ZNF831: variants seen among roughly 807,000 people sequenced by gnomAD.
ZNF831 encodes zinc finger protein 831.
ZNF831 carries 59 observed loss-of-function variants against 95.8 expected under a neutral mutation model. The ratio of observed to expected loss-of-function variants is 0.62; its 90% CI spans 0.50 to 0.77. The LOEUF is 0.77. Ranked by LOEUF, ZNF831 falls within the 30% of genes least tolerant of loss-of-function variation. The probability of loss-of-function intolerance (pLI) is 0.00; values close to 1 mark genes in which losing one functional copy is unlikely to be tolerated. For synonymous variants in ZNF831, 961 were observed against 925.5 expected (o/e 1.04, Z -0.70); for missense variants, 2,205 against 2,164.0 (o/e 1.02, Z -0.38).
intron 3 of ZNF831, among the ~76,000 whole-genome samples, chr20:59,199,434 ATTGT>A (rs1321552425): frequency 6.6e-6 from 1 of 152,148 alleles, no homozygotes; most frequent in Admixed American, 6.5e-5. Flanking sequence ...AATATATAAT[ATTGT>A]TTGGTGTCTT....
rs190262772 is a variant in ZNF831, at chr20:59,150,286, C to T, written c.-1281+3912C>T. ...AGCTGCACATTTAGGAAACAGAGAC[C>T]GTGTTCCTTTGAGTTTAGGTAAAAA... is the stretch of plus-strand genomic sequence containing the variant. On this transcript the variant is annotated intron_variant, in intron 2 of 7. Transcript: ENST00000637017. Among the ~76,000 whole-genome samples, 401 of 152,174 alleles carry T rather than the reference C, an allele frequency of 2.6e-3. 2 individuals are homozygous for T. Among genetic ancestry groups the T allele is most frequent in the Admixed American group, 7.7e-3 (118 of 15,272 alleles).
chr20:59,218,198 G>C (rs1332133757), intron 4 of ZNF831, among the ~76,000 whole-genome samples: 1 of 152,196 alleles, frequency 6.6e-6, no homozygotes, highest in African/African-American at 2.4e-5. Flanking sequence ...CCTGGGTTAG[G>C]GTGGGATTTG....
chr20:59,242,018 C>T (rs181212905), intron 4 of ZNF831, among the ~76,000 whole-genome samples: 76 of 152,326 alleles, frequency 5.0e-4, no homozygotes, highest in African/African-American at 1.8e-3. Flanking sequence ...TTGGTTTGAG[C>T]GAAGCCCTAA....
chr20:59,233,045 T>TAGAGAG (rs35568283), intron 4 of ZNF831, among the ~76,000 whole-genome samples: 93 of 109,550 alleles, frequency 8.5e-4, no homozygotes, highest in East Asian at 7.7e-3. Context: ...CACACACACA[T>TAGAGAG]AGAGAGAGAG....
chr20:59,209,112 T>C (rs565599468), intron 4 of ZNF831, among the ~76,000 whole-genome samples: 2 of 152,336 alleles, frequency 1.3e-5, no homozygotes, highest in South Asian at 2.1e-4. Flanking sequence ...GGGAACGACA[T>C]TGGCAGATCT....
intron 1 of ZNF831, among the ~76,000 whole-genome samples, chr20:59,185,792 T>C (rs1167163177): frequency 2.0e-5 from 3 of 152,288 alleles, no homozygotes; most frequent in African/African-American, 7.2e-5. Flanking sequence ...CTCCCTTCCG[T>C]GACCTCCCCA....
intron 1 of ZNF831, among the ~76,000 whole-genome samples, chr20:59,141,091 G>A (rs1979663779): frequency 6.6e-6 from 1 of 152,118 alleles, no homozygotes; most frequent in Non-Finnish European, 1.5e-5. Context: ...GTAGAGACGA[G>A]GTTTCACCAT....
At position 59,256,940 on chromosome 20, in the gene ZNF831, A is replaced by G. The variant is rs968845787; in HGVS notation, c.*2197A>G. The G allele has an allele frequency of 6.6e-6, 1 of 152,212 alleles. No individual in the cohort carries two copies. Among genetic ancestry groups the G allele is most frequent in the African/African-American group, 2.4e-5 (1 of 41,456 alleles). The allele number at this position is 152,212 out of a possible 1,614,324, so 9.4% of individuals were successfully genotyped here. A position where few individuals can be genotyped will look rare whatever the true frequency, so the allele number is the denominator to read the frequency against. Reference sequence around the variant, plus strand: ...TCTCCAGTAGGAATGGAGAAAACCTATCTGTAGGCTGAACTGGCTCCTTTG... The same window carrying G: ...TCTCCAGTAGGAATGGAGAAAACCTGTCTGTAGGCTGAACTGGCTCCTTTG... On this transcript the variant is annotated 3_prime_UTR_variant, in exon 6 of 6. Transcript: ENST00000371030.
intron 4 of ZNF831, among the ~76,000 whole-genome samples, chr20:59,246,694 T>C (rs1367114729): frequency 6.6e-6 from 1 of 152,232 alleles, no homozygotes; most frequent in Non-Finnish European, 1.5e-5. Context: ...TGATTGCCTT[T>C]CATCAGAGAA....
chr20:59,194,419 C>T lies in ZNF831; in HGVS notation c.3400C>T (p.Leu1134Phe), dbSNP rs1179855710. The T allele has an allele frequency of 1.2e-6, 2 of 1,611,466 alleles. No homozygotes were observed. Among genetic ancestry groups the T allele is most frequent in the South Asian group, 2.2e-5 (2 of 90,730 alleles). ...PCSPLQPGSFLTALTRPQGVP... is the reference protein window; with the variant it reads ...PCSPLQPGSFFTALTRPQGVP... The stretch of plus-strand genomic sequence containing the variant: ...TTCCCCCCTCCAGCCTGGCTCCTTC[C>T]TCACTGCCCTCACTCGGCCTCAGGG... The change falls in exon 2 of 6, where the codon CTC (leucine) becomes TTC (phenylalanine). Residue 1134 changes from leucine to phenylalanine, a missense_variant. Leu to Phe is a conservative substitution (Grantham distance 22). Transcript: ENST00000371030.
At chr20:59,137,403 G>A (rs62204006) in intron 1 of ZNF831, among the ~76,000 whole-genome samples, 11,537 of 152,050 alleles carry the variant, frequency 0.076, 823 homozygotes, top group East Asian at 0.37. Flanking sequence ...TTGGAGAACA[G>A]GGAGTGCCAA....
intron 4 of ZNF831, among the ~76,000 whole-genome samples, chr20:59,233,002 A>G (rs996331079): frequency 6.6e-5 from 7 of 105,520 alleles, no homozygotes; most frequent in African/African-American, 2.2e-4. Flanking sequence ...AGGCACACAC[A>G]CACACACACA....
chr20:59,254,090 C>T lies in ZNF831; in HGVS notation c.4381C>T (p.Pro1461Ser), dbSNP rs775346272. 6 of 1,614,124 alleles carry T rather than the reference C, an allele frequency of 3.7e-6. No homozygotes were observed. The South Asian group carries it at 5.5e-5, about 15-fold the overall frequency. ...CTCCCAGGATTCAGTCTCAACAGAT[C>T]CCAAACCATACATCTTCTCAGATGC... ...LASQDSVSTD[P>S]KPYIFSDAQR... Residue 1461 changes from proline to serine, a missense_variant, in exon 6 of 6, where the codon CCC (proline) becomes TCC (serine). Pro to Ser is a moderately conservative substitution (Grantham distance 74). Coordinates refer to ENST00000371030, the MANE Select transcript of ZNF831 (RefSeq NM_178457.3). The surrounding 1 kb of genome is among the most constrained non-coding windows in gnomAD (Gnocchi z 4.5).
intron 1 of ZNF831, among the ~76,000 whole-genome samples, chr20:59,142,494 T>A (rs1979713853): frequency 6.6e-6 from 1 of 152,160 alleles, no homozygotes; most frequent in Admixed American, 6.5e-5. Context: ...TTCCAAAGCT[T>A]GGGATTCGTA....
intron 4 of ZNF831, among the ~76,000 whole-genome samples, chr20:59,237,262 G>A (rs1371417473): frequency 6.6e-6 from 1 of 152,222 alleles, no homozygotes; most frequent in Non-Finnish European, 1.5e-5. Flanking sequence ...TATTTTTCAT[G>A]GTGGTAATAA....
rs149151932 is a variant in ZNF831, at chr20:59,190,846, G to A, written c.-36-138G>A. On this transcript the variant is annotated intron_variant, in intron 1 of 5. Transcript: ENST00000371030. ...TTTTGGATGAGAGTACCTTCCTCTC[G>A]CTTGGGATGAGAGTACATTCCTTAG... is the stretch of plus-strand genomic sequence containing the variant. 46 of 686,584 alleles carry A rather than the reference G, an allele frequency of 6.7e-5. 1 individual carries two copies. Among genetic ancestry groups the A allele is most frequent in the Middle Eastern group, 7.8e-4 (2 of 2,568 alleles). The allele number at this position is 686,584 out of a possible 1,614,324, so 42.5% of individuals were successfully genotyped here.
At position 59,241,615 on chromosome 20, in the gene ZNF831, A is replaced by T. The variant is rs768769536; in HGVS notation, c.4028-11363A>T. Among the ~76,000 whole-genome samples the T allele has an allele frequency of 5.5e-4, 83 of 152,200 alleles. 3 individuals are homozygous for T. The highest frequency in any genetic ancestry group is 2.1e-4 in the Non-Finnish European group (14 of 68,040). ...GCCAGAAAGCGTAGATTCTTGAGTA[A>T]ATTTCTGTATGTGAAAGTTTTTAAA... On this transcript the variant is annotated intron_variant, in intron 4 of 5. Coordinates refer to ENST00000371030, the MANE Select transcript of ZNF831 (RefSeq NM_178457.3).
chr20:59,158,313 A>T (rs1305118134), intron 2 of ZNF831, among the ~76,000 whole-genome samples: 1 of 152,212 alleles, frequency 6.6e-6, no homozygotes, highest in Admixed American at 6.5e-5. Flanking sequence ...AGCTTGATGG[A>T]GCCATCTCCG....
chr20:59,233,962 T>C (rs897470222), intron 4 of ZNF831, among the ~76,000 whole-genome samples: 2 of 152,218 alleles, frequency 1.3e-5, no homozygotes, highest in East Asian at 1.9e-4. Context: ...ACAACCCCGA[T>C]GGGCCATCCT....
Sources: gnomAD v4.1 joint callset for allele counts (sites outside exome capture counted in the v4.1 genomes callset) on GRCh38, gnomAD v4.1.1 for gene constraint, Gnocchi (gnomAD v3.1) non-coding constraint, MANE v1.5 for transcripts, NCBI Gene and HGNC (gene_info 2026-07-23, HGNC 2026-07-21) for gene names.